Variants in PLPP1 observed in about 807,000 individuals in gnomAD.
PLPP1 encodes the protein phospholipid phosphatase 1.
In PLPP1, 24 loss-of-function variants were observed where a neutral mutation model predicts 31.2. The ratio of observed to expected loss-of-function variants is 0.77; its 90% CI spans 0.56 to 1.08. The LOEUF is 1.08. Among genes scored for constraint, PLPP1 ranks in the 50% least tolerant of loss-of-function variants. PLPP1 has a pLI of 0.00. For missense variants in PLPP1, 319 were observed against 342.7 expected (o/e 0.93, Z 0.55); for synonymous variants, 146 against 126.3 (o/e 1.16, Z -1.05).
chr5:55,500,411 T>C (rs1022762434), intron 1 of PLPP1, among the ~76,000 whole-genome samples: 5 of 152,172 alleles, frequency 3.3e-5, no homozygotes, highest in Admixed American at 6.5e-5. Context: ...TAAATAAACA[T>C]TGGGAAGTCT....
chr5:55,464,807 G>C (rs1162414749), intron 3 of PLPP1, among the ~76,000 whole-genome samples: 1 of 152,034 alleles, frequency 6.6e-6, no homozygotes, highest in Non-Finnish European at 1.5e-5. Context: ...GTTGCAGATG[G>C]GAGTGTAAAT....
intron 4 of PLPP1, among the ~76,000 whole-genome samples, chr5:55,437,811 A>G (rs578188289): frequency 2.6e-5 from 4 of 152,378 alleles, no homozygotes; most frequent in Admixed American, 2.0e-4. Context: ...TTCGTAGGCT[A>G]TGGGCCATGA....
chr5:55,467,612 G>T (rs1752332160), intron 3 of PLPP1, among the ~76,000 whole-genome samples: 1 of 151,442 alleles, frequency 6.6e-6, no homozygotes, highest in Non-Finnish European at 1.5e-5. Context: ...TAGCCTAAAT[G>T]ATCTATAAGG....
At chr5:55,473,652 C>CTG (rs1327496661) in intron 2 of PLPP1, among the ~76,000 whole-genome samples, 19 of 151,542 alleles carry the variant, frequency 1.3e-4, no homozygotes, top group Admixed American at 4.6e-4. Flanking sequence ...AAAAAAAAAT[C>CTG]TGTGTGTGTG....
chr5:55,474,343 T>TG (rs768848560), intron 2 of PLPP1, among the ~76,000 whole-genome samples: 31 of 152,200 alleles, frequency 2.0e-4, no homozygotes, highest in Non-Finnish European at 3.4e-4. Flanking sequence ...TCACAAGTTA[T>TG]GGTCAGCAGA....
chr5:55,530,269 TAACGA>T, intron 1 of PLPP1: 1 of 1,508,524 alleles, frequency 6.6e-7, no homozygotes, highest in Non-Finnish European at 9.2e-7. Flanking sequence ...TTTAGATGAC[TAACGA>T]AATTTCTGGT....
intron 1 of PLPP1, among the ~76,000 whole-genome samples, chr5:55,504,973 G>A (rs1241319486): frequency 6.6e-6 from 1 of 151,842 alleles, no homozygotes. Context: ...ACCACACCCG[G>A]CTAATTTTTG....
chr5:55,437,810 T>C (rs1414370096), intron 4 of PLPP1, among the ~76,000 whole-genome samples: 2 of 152,246 alleles, frequency 1.3e-5, no homozygotes, highest in East Asian at 3.8e-4. Context: ...GTTCGTAGGC[T>C]ATGGGCCATG....
At chr5:55,484,937 A>G (rs1324310803) in intron 1 of PLPP1, 1 of 152,238 alleles carries the variant, frequency 6.6e-6, no homozygotes, top group East Asian at 1.9e-4. Flanking sequence ...TGAACATATC[A>G]ATGTGCCAGA....
chr5:55,490,117 A>G (rs1752855478), intron 1 of PLPP1, among the ~76,000 whole-genome samples: 1 of 151,990 alleles, frequency 6.6e-6, no homozygotes, highest in Non-Finnish European at 1.5e-5. Context: ...AGGACAGTAC[A>G]AAGTAAGAAA....
At chr5:55,455,210 C>G (rs531984458) in intron 3 of PLPP1, among the ~76,000 whole-genome samples, 185 of 151,982 alleles carry the variant, frequency 1.2e-3, no homozygotes, top group Non-Finnish European at 1.8e-3. Flanking sequence ...AAAACATACA[C>G]AATTTAAATA....
chr5:55,450,464 TAAGATA>T (rs1457706621), intron 3 of PLPP1, among the ~76,000 whole-genome samples: 1 of 152,124 alleles, frequency 6.6e-6, no homozygotes, highest in Non-Finnish European at 1.5e-5. Context: ...CTGAGAATCT[TAAGATA>T]AAGGAAAGCA....
rs1358447035 is a variant in PLPP1, at chr5:55,425,220, T to A, written c.841A>T (p.Asn281Tyr). The A allele has an allele frequency of 6.2e-7, 1 of 1,613,506 alleles. No individual in the cohort carries two copies. Among genetic ancestry groups the A allele is most frequent in the Non-Finnish European group, 8.5e-7 (1 of 1,179,846 alleles). The change falls in exon 6 of 6, where the codon AAT becomes TAT. Residue 281 changes from asparagine (N) to tyrosine (Y), a missense_variant. By Grantham distance (143) the Asn-to-Tyr change is moderately radical. Coordinates refer to ENST00000307259, the MANE Select transcript of PLPP1 (RefSeq NM_003711.4). Reference sequence around the variant, plus strand: ...CCTGCTGCCTTTCAAGGCTGGTGATTGCTCGGATAGTGATTCCCAGTTGTT... The same window carrying A: ...CCTGCTGCCTTTCAAGGCTGGTGATAGCTCGGATAGTGATTCCCAGTTGTT... Reference protein sequence around the residue: ...TPTTGNHYPSNHQP With the variant: ...TPTTGNHYPSYHQP
At chr5:55,425,767 T>C (rs1437642632) in intron 5 of PLPP1, 96 bp downstream of exon 5, 4 of 1,198,006 alleles carry the variant, frequency 3.3e-6, no homozygotes, top group Non-Finnish European at 4.6e-6. Flanking sequence ...TGCATAGTCT[T>C]CTCCTCAGCT....
chr5:55,443,192 A>AAAAAAAAATATAT, intron 3 of PLPP1, among the ~76,000 whole-genome samples: 2 of 25,416 alleles, frequency 7.9e-5, no homozygotes, highest in Non-Finnish European at 1.7e-4. Flanking sequence ...AAAAAAAAAA[A>AAAAAAAAATATAT]ATATATATAT....
At chr5:55,524,571 G>A (rs892572791) in intron 1 of PLPP1, among the ~76,000 whole-genome samples, 1 of 152,172 alleles carries the variant, frequency 6.6e-6, no homozygotes. Context: ...AGCACTTTGG[G>A]AGCCAAGACG....
intron 4 of PLPP1, among the ~76,000 whole-genome samples, chr5:55,432,551 C>T (rs1008777443): frequency 3.9e-5 from 6 of 152,018 alleles, no homozygotes; most frequent in Admixed American, 2.0e-4. Context: ...TACCCTGATA[C>T]GAAAAACAGA....
At chr5:55,440,464 T>C (rs986657989) in intron 4 of PLPP1, among the ~76,000 whole-genome samples, 2 of 152,190 alleles carry the variant, frequency 1.3e-5, no homozygotes, top group Non-Finnish European at 2.9e-5. Context: ...ATATGATAAA[T>C]GAACAGAAGA....
chr5:55,508,741 T>TCCC (rs1753339106), intron 1 of PLPP1: 1 of 153,786 alleles, frequency 6.5e-6, no homozygotes, highest in East Asian at 1.9e-4. Context: ...CATAGGGAGG[T>TCCC]CCATAGAAGG....
Sources: gnomAD v4.1 joint callset for allele counts (sites outside exome capture counted in the v4.1 genomes callset) on GRCh38, gnomAD v4.1.1 for gene constraint, MANE v1.5 for transcripts, NCBI Gene and HGNC (gene_info 2026-07-23, HGNC 2026-07-21) for gene names.